MFSD12: variants seen among roughly 807,000 people sequenced by gnomAD.
MFSD12 encodes the protein major facilitator superfamily domain containing 12.
Under a neutral mutation model 51.2 loss-of-function variants are expected in MFSD12, and 67 were observed. The ratio of observed to expected loss-of-function variants is 1.31; its 90% CI spans 1.08 to 1.60. The LOEUF (loss-of-function observed/expected upper bound fraction) is 1.60, where lower values mean the gene tolerates loss of function less well. MFSD12 is among the 40% of genes most tolerant of loss of function. The pLI is 0.00. For synonymous variants in MFSD12, 441 were observed against 316.7 expected (o/e 1.39, Z -4.17); for missense variants, 921 against 673.0 (o/e 1.37, Z -4.08).
chr19:3,555,010 G>T (rs1372306927), intron 1 of MFSD12, among the ~76,000 whole-genome samples: 2 of 152,252 alleles, frequency 1.3e-5, no homozygotes, highest in Non-Finnish European at 2.9e-5. Flanking sequence ...GGTGACGGTG[G>T]ACGCCTTGGT....
chr19:3,547,877 G>T lies in MFSD12; in HGVS notation c.808C>A (p.His270Asn). 1 of 1,536,574 alleles carries T rather than the reference G, an allele frequency of 6.5e-7. No homozygotes were observed. The highest frequency in any genetic ancestry group is 2.4e-5 in the East Asian group (1 of 42,452). ...ATAQPLLLWK[H>N]WLREPAFYQV... is the part of the protein sequence containing the mutation. ...TAGAAAGCCGGCTCCCGGAGCCAGT[G>T]CTTCCAGAGCAGCAGGGGCTGGGCC... is the stretch of plus-strand genomic sequence containing the variant. Residue 270 changes from histidine (H) to asparagine (N), a missense_variant, in exon 4 of 10, where the codon CAC becomes AAC. His to Asn is a moderately conservative substitution (Grantham distance 68). Coordinates refer to ENST00000355415, the MANE Select transcript of MFSD12 (RefSeq NM_174983.5).
In MFSD12 at chr19:3,544,988, C is replaced by T. The variant is rs55680069; in HGVS notation, c.1290-49G>A. On this transcript the variant is annotated intron_variant, in intron 8 of 9. Transcript: ENST00000355415. ...GTAGGCACCGCGGGTACCACCCCCC[C>T]GCCACCCAAGCTGAACCTGTGCCTC... 2.0e-3 allele frequency: 3,042 copies of T among 1,546,564 alleles called. 23 individuals are homozygous for T. The highest frequency in any genetic ancestry group is 0.018 in the African/African-American group (1,331 of 73,582).
rs1363441254 is a variant in MFSD12, at chr19:3,551,313, GCA to G, written c.299-121_299-120del. On this transcript the variant is annotated intron_variant, in intron 1 of 9. Transcript: ENST00000355415. The surrounding 1 kb of genome is among the most constrained non-coding windows in gnomAD (Gnocchi z 4.6). ...GCACAGATGGAGACGCCCCCCGCATGCACACAGTCACGCAGGAGCGAGGGTCT... is the reference window on the plus strand; with the variant it reads ...GCACAGATGGAGACGCCCCCCGCATGCACAGTCACGCAGGAGCGAGGGTCT... The G allele has an allele frequency of 3.7e-5, 29 of 776,374 alleles. No homozygotes were observed. Among genetic ancestry groups the G allele is most frequent in the Non-Finnish European group, 5.9e-5 (29 of 494,464 alleles). The allele number at this position is 776,374 out of a possible 1,614,324, so 48.1% of individuals were successfully genotyped here. A position where few individuals can be genotyped will look rare whatever the true frequency, so the allele number is the denominator to read the frequency against.
rs772572043 is a variant in MFSD12 at position 3,547,921 on chromosome 19, G to T, written c.764C>A (p.Pro255His). The T allele has an allele frequency of 2.5e-6, 4 of 1,583,708 alleles. No individual in the cohort carries two copies. The highest frequency in any genetic ancestry group is 1.1e-5 in the South Asian group (1 of 87,932). ...PHAEEPGEHT[P>H]LLAPATAQPL... ...CTGGGCCGTGGCAGGGGCCAACAGGGGGGTGTGCTCGCCTGGCTCCTCCGC... is the reference window on the plus strand; with the variant it reads ...CTGGGCCGTGGCAGGGGCCAACAGGTGGGTGTGCTCGCCTGGCTCCTCCGC... Residue 255 changes from proline (P) to histidine (H), a missense_variant, in exon 4 of 10, where the codon CCC becomes CAC. Transcript: ENST00000355415.
downstream of MFSD12, chr19:3,543,673 G>C: frequency 6.5e-7 from 1 of 1,537,378 alleles, no homozygotes; most frequent in Non-Finnish European, 8.8e-7. Context: ...TCCGGGGCAA[G>C]GAATACGGTG....
intron 6 of MFSD12, 88 bp from the exon 7 acceptor site, chr19:3,546,513 G>A: frequency 6.9e-7 from 1 of 1,446,570 alleles, no homozygotes; most frequent in Non-Finnish European, 9.3e-7. Context: ...CCCAACCCCA[G>A]CAAACAAGGC....
At chr19:3,542,976 A>G, downstream of MFSD12, 1 of 1,562,028 alleles carries the variant, frequency 6.4e-7, no homozygotes, top group Non-Finnish European at 8.7e-7. Context: ...AGGCAAGAAA[A>G]GCTGAGAACA....
intron 1 of MFSD12, 126 bp downstream of exon 1, chr19:3,556,980 A>G: frequency 1.1e-6 from 1 of 951,384 alleles, no homozygotes; most frequent in Non-Finnish European, 1.5e-6. Flanking sequence ...CACGGGACAG[A>G]CAGACCGAGG....
In MFSD12 at chr19:3,551,779, C is replaced by T. The variant is rs528721745; in HGVS notation, c.299-585G>A. 3.9e-5 allele frequency among the ~76,000 whole-genome samples: 6 copies of T among 152,308 alleles called. No individual in the cohort carries two copies. Among genetic ancestry groups the T allele is most frequent in the African/African-American group, 1.4e-4 (6 of 41,570 alleles). ...AATGTAAGATCCTCCCCGCAGCCCA[C>T]GGAGCCCTTTGCGACCTGCCCTGTC... On this transcript the variant is annotated intron_variant, in intron 1 of 9. Coordinates refer to ENST00000355415, the MANE Select transcript of MFSD12 (RefSeq NM_174983.5). The surrounding 1 kb of genome is among the most constrained non-coding windows in gnomAD (Gnocchi z 4.6).
downstream of MFSD12, chr19:3,543,827 A>C (rs1319777717): frequency 1.3e-6 from 2 of 1,523,592 alleles, no homozygotes; most frequent in Non-Finnish European, 1.8e-6. Flanking sequence ...TCCCACCTAC[A>C]GTGCTCAACA....
chr19:3,543,394 G>T (rs779204737), downstream of MFSD12: 3 of 1,548,740 alleles, frequency 1.9e-6, no homozygotes, highest in African/African-American at 1.4e-5. Context: ...ACCTGCCACG[G>T]GCCCCGGCCA....
chr19:3,543,647 T>A (rs761247301), downstream of MFSD12: 6 of 1,543,704 alleles, frequency 3.9e-6, no homozygotes, highest in Non-Finnish European at 5.2e-6. Flanking sequence ...GAGCGCGCTG[T>A]GGAAAGACAG....
chr19:3,543,638 A>T, downstream of MFSD12: 1 of 1,542,420 alleles, frequency 6.5e-7, no homozygotes, highest in South Asian at 1.2e-5. Flanking sequence ...CCGGTGGGGG[A>T]GCGCGCTGTG....
chr19:3,547,706 C>A, intron 4 of MFSD12, 142 bp downstream of exon 4: 1 of 1,192,294 alleles, frequency 8.4e-7, no homozygotes. Context: ...GAGAGCAGCA[C>A]TTGATGAGTG....
intron 2 of MFSD12, 38 bp from the exon 3 acceptor site, chr19:3,548,305 G>A (rs768985146): frequency 5.4e-5 from 83 of 1,541,802 alleles, no homozygotes; most frequent in Non-Finnish European, 6.9e-5. Flanking sequence ...CAAGACGCCA[G>A]GAACCTGGGT....
At chr19:3,549,370 G>C (rs769762284) in intron 2 of MFSD12, among the ~76,000 whole-genome samples, 3 of 152,228 alleles carry the variant, frequency 2.0e-5, no homozygotes, top group Admixed American at 1.3e-4. Flanking sequence ...CTATAGCAGA[G>C]GGAAAGGGAC....
chr19:3,552,528 G>A (rs1473599947), intron 1 of MFSD12, among the ~76,000 whole-genome samples: 1 of 141,998 alleles, frequency 7.0e-6, no homozygotes, highest in East Asian at 2.2e-4. Flanking sequence ...AGGCTGGAGT[G>A]CAGTGGTGCG....
Position 3,551,421 on chromosome 19 carries a change from T to A in MFSD12, c.299-227A>T, listed in dbSNP as rs973406862. Among the ~76,000 whole-genome samples the A allele has an allele frequency of 2.0e-5, 3 of 152,144 alleles. No homozygotes were observed. The highest frequency in any genetic ancestry group is 7.2e-5 in the African/African-American group (3 of 41,432). ...CAGGTGCCTGGGCTCAGCCTGCAAG[T>A]CAGAAGAAGCCAGGCGCAGGGGGTC... On this transcript the variant is annotated intron_variant, in intron 1 of 9. Coordinates refer to ENST00000355415, the MANE Select transcript of MFSD12 (RefSeq NM_174983.5). This position sits in a 1 kb window ranked among gnomAD's most constrained non-coding sequence, Gnocchi z 4.6.
rs376279451 is a variant in MFSD12, at chr19:3,544,880, G to C, written c.1349C>G (p.Thr450Arg). ...GGCAGCGGCCACGCCCACGCCGCCCGTCACAGCCACCATCGCCCAGTGGTA... is the reference window on the plus strand; with the variant it reads ...GGCAGCGGCCACGCCCACGCCGCCCCTCACAGCCACCATCGCCCAGTGGTA... ...SFYHWAMVAV[T>R]GGVGVAAALC... The change falls in exon 9 of 10, where the codon ACG (threonine) becomes AGG (arginine). Residue 450 changes from threonine to arginine, a missense_variant. By Grantham distance (71) the Thr-to-Arg change is moderately conservative. Coordinates refer to ENST00000355415, the MANE Select transcript of MFSD12 (RefSeq NM_174983.5). 2.5e-6 allele frequency: 4 copies of C among 1,611,528 alleles called. No homozygotes were observed. The highest frequency in any genetic ancestry group is 1.7e-6 in the Non-Finnish European group (2 of 1,179,440).
Sources: gnomAD v4.1 joint callset for allele counts (sites outside exome capture counted in the v4.1 genomes callset) on GRCh38, gnomAD v4.1.1 for gene constraint, Gnocchi (gnomAD v3.1) non-coding constraint, MANE v1.5 for transcripts, NCBI Gene and HGNC (gene_info 2026-07-23, HGNC 2026-07-21) for gene names.